Variants in USP10 observed in about 807,000 individuals in gnomAD.
USP10 encodes the protein ubiquitin carboxyl-terminal hydrolase 10.
USP10 carries 22 observed loss-of-function variants against 84.5 expected under a neutral mutation model. The observed-to-expected ratio is 0.26, with a 90% CI of 0.19 to 0.37. The LOEUF is 0.37. USP10 is among the 10% of genes least tolerant of loss of function. The probability of loss-of-function intolerance (pLI) is 1.00; values close to 1 mark genes in which losing one functional copy is unlikely to be tolerated. For missense variants in USP10, 1,019 were observed against 998.9 expected (o/e 1.02, Z -0.27); for synonymous variants, 454 against 387.6 (o/e 1.17, Z -2.01).
chr16:84,704,879 A>T, intron 1 of USP10: 1 of 1,535,650 alleles, frequency 6.5e-7, no homozygotes, highest in South Asian at 1.2e-5. Flanking sequence ...TTGAGATAGA[A>T]ATGTGGTTTG....
rs540024736 is a variant in USP10, at chr16:84,700,160, G to T, written c.21+49G>T. ...GCCGGAAGGGGCCCGAGCCCCGGGC[G>T]GGCGGACGCCGCGGCGGGCGGGCGT... is the stretch of plus-strand genomic sequence containing the variant. On this transcript the variant is annotated intron_variant, in intron 1 of 13. Coordinates refer to ENST00000219473, the MANE Select transcript of USP10 (RefSeq NM_005153.3). 77 of 1,219,236 alleles carry T rather than the reference G, an allele frequency of 6.3e-5. No homozygotes were observed. The African/African-American group carries it at 1.0e-3, about 16-fold the overall frequency. 75.5% of individuals were successfully genotyped at this position (1,219,236 alleles called of 1,614,324 possible). A position where few individuals can be genotyped will look rare whatever the true frequency, so the allele number is the denominator to read the frequency against.
At chr16:84,711,206 G>A (rs1301954720) in intron 1 of USP10, among the ~76,000 whole-genome samples, 4 of 152,136 alleles carry the variant, frequency 2.6e-5, no homozygotes, top group Non-Finnish European at 5.9e-5. Context: ...TACTTGCTCT[G>A]TGCCAGGGCC....
rs187925028 is a variant in USP10, at chr16:84,755,114, C to T, written c.1193-3602C>T. On this transcript the variant is annotated intron_variant, in intron 4 of 13. Coordinates refer to ENST00000219473, the MANE Select transcript of USP10 (RefSeq NM_005153.3). ...CATAAAGCGTGTTTTTGAGTCTGTTCGAACGGGTCAACAACGAAGGGAAGT... is the reference window on the plus strand; with the variant it reads ...CATAAAGCGTGTTTTTGAGTCTGTTTGAACGGGTCAACAACGAAGGGAAGT... 6.0e-5 allele frequency among the ~76,000 whole-genome samples: 9 copies of T among 151,192 alleles called. No individual in the cohort carries two copies. In the East Asian group the frequency reaches 1.2e-3, roughly 19 times the overall value.
At chr16:84,717,873 A>G (rs1763630576) in intron 1 of USP10, among the ~76,000 whole-genome samples, 3 of 152,186 alleles carry the variant, frequency 2.0e-5, no homozygotes, top group African/African-American at 7.2e-5. Context: ...TTCAGTTGCT[A>G]TTCTTGCCAA....
In USP10 at chr16:84,728,439, A is replaced by G. The variant is rs370525384; in HGVS notation, c.22-4996A>G. 1.4e-4 allele frequency among the ~76,000 whole-genome samples: 22 copies of G among 151,988 alleles called. No homozygotes were observed. In the East Asian group the frequency reaches 3.1e-3, roughly 21 times the overall value. ...ACTGCAACCTCTGCCTCCCCGGTTC[A>G]AGCGATTCCCCTGCCTCAGCCTCCC... is the stretch of plus-strand genomic sequence containing the variant. On this transcript the variant is annotated intron_variant, in intron 1 of 13. Transcript: ENST00000219473.
chr16:84,737,634 T>C (rs1910101128), intron 2 of USP10, among the ~76,000 whole-genome samples: 1 of 152,216 alleles, frequency 6.6e-6, no homozygotes, highest in African/African-American at 2.4e-5. Flanking sequence ...GGCAGTGTCA[T>C]CTGGGAGTTT....
chr16:84,762,202 A>C (rs1447065948), intron 8 of USP10, among the ~76,000 whole-genome samples: 1 of 152,210 alleles, frequency 6.6e-6, no homozygotes, highest in Admixed American at 6.5e-5. Context: ...GAGTTTTTCC[A>C]CATGTAGTTT....
At chr16:84,772,718 G>C (rs1369715333) in intron 12 of USP10, 33 bp downstream of exon 12, 2 of 1,611,348 alleles carry the variant, frequency 1.2e-6, no homozygotes, top group Non-Finnish European at 1.7e-6. Context: ...AGTGTTCGTG[G>C]TGACACACTC....
chr16:84,707,401 C>G (rs1235039012), intron 1 of USP10, among the ~76,000 whole-genome samples: 2 of 152,130 alleles, frequency 1.3e-5, no homozygotes, highest in African/African-American at 4.8e-5. Flanking sequence ...TAAAGACATG[C>G]TATTTTTAAG....
intron 4 of USP10, among the ~76,000 whole-genome samples, chr16:84,752,784 C>T (rs1482957401): frequency 1.3e-5 from 2 of 152,040 alleles, no homozygotes; most frequent in African/African-American, 4.8e-5. Context: ...AGTGTCTCCT[C>T]CAGTTGATGG....
At chr16:84,747,129 C>A (rs1277107491) in intron 4 of USP10, among the ~76,000 whole-genome samples, 1 of 152,208 alleles carries the variant, frequency 6.6e-6, no homozygotes, top group African/African-American at 2.4e-5. Flanking sequence ...CCGCGCGTGA[C>A]TGTACGTACC....
intron 2 of USP10, among the ~76,000 whole-genome samples, chr16:84,737,758 C>G (rs1030890109): frequency 2.0e-5 from 3 of 152,338 alleles, no homozygotes; most frequent in Admixed American, 6.5e-5. Flanking sequence ...GCTTCCTCAT[C>G]TGTCAGAGGG....
chr16:84,768,076 T>C, intron 10 of USP10, 117 bp from the exon 11 acceptor site: 1 of 1,208,606 alleles, frequency 8.3e-7, no homozygotes, highest in Non-Finnish European at 1.1e-6. Context: ...TTCTCTGTGG[T>C]CTTTTGAAAG....
At chr16:84,747,089 G>A (rs931409973) in intron 4 of USP10, among the ~76,000 whole-genome samples, 5 of 152,184 alleles carry the variant, frequency 3.3e-5, no homozygotes, top group African/African-American at 1.2e-4. Flanking sequence ...ACCATCATAC[G>A]TGCGGCTCAT....
intron 11 of USP10, among the ~76,000 whole-genome samples, chr16:84,771,511 C>A (rs1031235586): frequency 9.2e-5 from 14 of 151,974 alleles, no homozygotes; most frequent in South Asian, 2.1e-4. Flanking sequence ...AACAAACAAA[C>A]AAAAAAACCC....
intron 4 of USP10, among the ~76,000 whole-genome samples, 164 bp downstream of exon 4, chr16:84,745,837 A>G (rs574799604): frequency 6.6e-6 from 1 of 152,342 alleles, no homozygotes; most frequent in South Asian, 2.1e-4. Flanking sequence ...GTAAGATAAT[A>G]TAGAAACAAA....
Position 84,744,950 on chromosome 16 carries a change from C to G in USP10, c.469C>G (p.Pro157Ala). The G allele has an allele frequency of 1.2e-6, 2 of 1,613,748 alleles. No homozygotes were observed. Among genetic ancestry groups the G allele is most frequent in the South Asian group, 2.2e-5 (2 of 91,066 alleles). ...RERKKKKKRPPGYYSYLKDGG... is the reference protein window; with the variant it reads ...RERKKKKKRPAGYYSYLKDGG... ...GCGTAAAAAGAAGAAAAAGCGGCCA[C>G]CTGGATATTACAGCTATTTGAAAGA... Residue 157 changes from proline (P) to alanine (A), a missense_variant, in exon 4 of 14, where the codon CCT becomes GCT. By Grantham distance (27) the Pro-to-Ala change is conservative. Transcript: ENST00000219473.
intron 9 of USP10, 147 bp from the exon 10 acceptor site, chr16:84,763,939 T>A (rs897522688): frequency 9.4e-5 from 93 of 990,604 alleles, no homozygotes; most frequent in Non-Finnish European, 1.3e-4. Flanking sequence ...CCAGTGACGT[T>A]GCTCCTGTTG....
intron 2 of USP10, among the ~76,000 whole-genome samples, chr16:84,735,849 A>G (rs979440976): frequency 1.2e-4 from 18 of 152,246 alleles, no homozygotes; most frequent in African/African-American, 3.9e-4. Context: ...CAAAAGGGAA[A>G]TGCAGGCTAA....
Sources: gnomAD v4.1 joint callset for allele counts (sites outside exome capture counted in the v4.1 genomes callset) on GRCh38, gnomAD v4.1.1 for gene constraint, MANE v1.5 for transcripts, NCBI Gene and HGNC (gene_info 2026-07-23, HGNC 2026-07-21) for gene names.